CDH26: variants seen among roughly 807,000 people sequenced by gnomAD.
The protein encoded by CDH26 is cadherin 26.
In CDH26, 83 loss-of-function variants were observed where a neutral mutation model predicts 90.3. That is an observed-to-expected ratio of 0.92 (90% confidence interval 0.77 to 1.10). The LOEUF (loss-of-function observed/expected upper bound fraction) is 1.10, where lower values mean the gene tolerates loss of function less well. Among genes scored for constraint, CDH26 ranks in the 50% least tolerant of loss-of-function variants. The pLI is 0.00. For synonymous variants in CDH26, 397 were observed against 396.3 expected (o/e 1.00, Z -0.02); for missense variants, 1,013 against 1,037.6 (o/e 0.98, Z 0.33).
At chr20:59,990,874 T>A (rs1172984153) in intron 9 of CDH26, among the ~76,000 whole-genome samples, 1 of 151,674 alleles carries the variant, frequency 6.6e-6, no homozygotes, top group Admixed American at 6.6e-5. Context: ...TTCTTTTTTT[T>A]TTTTCTTTTT....
chr20:60,016,620 A>T (rs1359760758), downstream of CDH26, among the ~76,000 whole-genome samples: 1 of 150,692 alleles, frequency 6.6e-6, no homozygotes. Flanking sequence ...CTCTTGTCTT[A>T]TTGCTCTGGC....
At chr20:59,967,995 CT>C (rs1241354415) in intron 1 of CDH26, among the ~76,000 whole-genome samples, 4 of 115,826 alleles carry the variant, frequency 3.5e-5, no homozygotes, top group East Asian at 4.8e-4. Context: ...TTCTTTCTTT[CT>C]TTCTTTCTTT....
chr20:59,997,032 G>C (rs560750866), intron 13 of CDH26, among the ~76,000 whole-genome samples: 1 of 152,338 alleles, frequency 6.6e-6, no homozygotes, highest in Admixed American at 6.5e-5. Context: ...ACAGTTAGGA[G>C]TGCTACTGGC....
chr20:59,973,906 A>G (rs757746634), intron 4 of CDH26, among the ~76,000 whole-genome samples: 7 of 152,232 alleles, frequency 4.6e-5, no homozygotes, highest in Non-Finnish European at 8.8e-5. Flanking sequence ...TTGGGTATAT[A>G]CCCAGTAATG....
In CDH26 at chr20:59,994,274, G is replaced by C. The variant is rs958824712; in HGVS notation, c.1451G>C (p.Gly484Ala). ...DDGFPPQTAT[G>A]TLMLFLSDIN... ...GGCTTCCCACCGCAGACTGCTACAG[G>C]GACCCTAATGCTCTTCCTGTCTGAC... The change falls in exon 11 of 18, where the codon GGG becomes GCG. Residue 484 changes from glycine (G) to alanine (A), a missense_variant. Transcript: ENST00000348616. The C allele has an allele frequency of 2.5e-6, 4 of 1,613,540 alleles. No homozygotes were observed. The highest frequency in any genetic ancestry group is 3.4e-6 in the Non-Finnish European group (4 of 1,179,956).
At chr20:59,993,767 C>G (rs796817380) in intron 10 of CDH26, among the ~76,000 whole-genome samples, 1 of 152,192 alleles carries the variant, frequency 6.6e-6, no homozygotes, top group Admixed American at 6.5e-5. Flanking sequence ...GATTCACTTG[C>G]AGTTTTAAGA....
chr20:60,021,853 C>CACACACACACACACACACACACACACAT lies in CDH26; in HGVS notation c.948-9351_948-9350insTACACACACACACACACACACACACACA, dbSNP rs2061954404. 1.9e-4 allele frequency among the ~76,000 whole-genome samples: 10 copies of CACACACACACACACACACACACACACAT among 52,626 alleles called. 1 individual carries two copies. Among genetic ancestry groups the CACACACACACACACACACACACACACAT allele is most frequent in the Non-Finnish European group, 2.6e-4 (6 of 23,026 alleles). The allele number at this position is 52,626 out of a possible 152,430, so 34.5% of individuals were successfully genotyped here. On this transcript the variant is annotated intron_variant, in intron 7 of 8. Transcript: ENST00000370991. ...TGAAGCCGATATCCTTATCTGTACACACACACACACACACACACACACACA... is the reference window on the plus strand; with the variant it reads ...TGAAGCCGATATCCTTATCTGTACACACACACACACACACACACACACACACATACACACACACACACACACACACACA...
At chr20:60,010,669 G>A (rs1201003324) in intron 17 of CDH26, among the ~76,000 whole-genome samples, 1 of 152,192 alleles carries the variant, frequency 6.6e-6, no homozygotes, top group Non-Finnish European at 1.5e-5. Flanking sequence ...TGAAGCCTAG[G>A]AAATGTTTCT....
chr20:59,972,122 CG>C lies in CDH26; in HGVS notation c.393+1del, dbSNP rs766039877. ...PVDREMTPSF[T>X]VYFDVVERST... is the part of the protein sequence containing the mutation. The stretch of plus-strand genomic sequence containing the variant: ...GATCGAGAAATGACACCATCTTTCA[CG>C]GTATCTAAAACTTGATATATTCTAA... On this transcript the variant is annotated frameshift_variant and splice_region_variant, in exon 4 of 18. Coordinates refer to ENST00000348616, the MANE Select transcript of CDH26 (RefSeq NM_177980.4). LOFTEE classifies it high-confidence loss of function. 4 of 1,613,040 alleles carry C rather than the reference CG, an allele frequency of 2.5e-6. No homozygotes were observed. Among genetic ancestry groups the C allele is most frequent in the Non-Finnish European group, 3.4e-6 (4 of 1,179,412 alleles).
At chr20:60,015,036 G>A (rs1032041618), downstream of CDH26, among the ~76,000 whole-genome samples, 7 of 152,178 alleles carry the variant, frequency 4.6e-5, no homozygotes, top group Non-Finnish European at 8.8e-5. Flanking sequence ...AGGCTGGAGT[G>A]CAGTAGTGCA....
intron 7 of CDH26, among the ~76,000 whole-genome samples, chr20:60,023,426 A>G (rs553840877): frequency 1.3e-5 from 2 of 152,332 alleles, no homozygotes; most frequent in East Asian, 3.9e-4. Flanking sequence ...GGGCTCAAAT[A>G]TTGTGAGCTA....
rs1310105947 is a variant in CDH26, at chr20:60,006,725, G to A, written c.2233G>A (p.Ala745Thr). 1.9e-6 allele frequency: 3 copies of A among 1,613,876 alleles called. No individual in the cohort carries two copies. Among genetic ancestry groups the A allele is most frequent in the Non-Finnish European group, 2.5e-6 (3 of 1,179,882 alleles). Residue 745 changes from alanine to threonine, a missense_variant, in exon 17 of 18, where the codon GCC becomes ACC. By Grantham distance (58) the Ala-to-Thr change is moderately conservative (BLOSUM62 0). Coordinates refer to ENST00000348616, the MANE Select transcript of CDH26 (RefSeq NM_177980.4). ...NIHSTPAYPDATMHRQLLAPV... is the reference protein window; with the variant it reads ...NIHSTPAYPDTTMHRQLLAPV... ...GGTTTGCTTGCAGGCTTACCCAGAT[G>A]CCACAATGCACAGACAACTCCTGGC...
At chr20:59,973,847 A>G (rs181861266) in intron 4 of CDH26, among the ~76,000 whole-genome samples, 4 of 152,384 alleles carry the variant, frequency 2.6e-5, no homozygotes, top group South Asian at 2.1e-4. Context: ...TCCTGCTGCA[A>G]TGAACATACC....
intron 17 of CDH26, among the ~76,000 whole-genome samples, chr20:60,010,965 G>A (rs1443629409): frequency 1.3e-5 from 2 of 152,276 alleles, no homozygotes; most frequent in Non-Finnish European, 2.9e-5. Flanking sequence ...GGCCAGGTAC[G>A]TGTCCCTGAC....
At chr20:60,028,415 C>T (rs764461945) in intron 7 of CDH26, among the ~76,000 whole-genome samples, 8 of 152,318 alleles carry the variant, frequency 5.3e-5, no homozygotes, top group African/African-American at 7.2e-5. Flanking sequence ...TGGCTGAATC[C>T]CCAGGGCCTG....
chr20:59,985,349 C>G (rs573873525), intron 7 of CDH26, among the ~76,000 whole-genome samples: 1 of 152,110 alleles, frequency 6.6e-6, no homozygotes, highest in Non-Finnish European at 1.5e-5. Flanking sequence ...TCTAGGGAGG[C>G]CTCAGGACGC....
chr20:59,999,037 CAT>C (rs1159091439), intron 13 of CDH26, among the ~76,000 whole-genome samples: 1 of 152,188 alleles, frequency 6.6e-6, no homozygotes, highest in Non-Finnish European at 1.5e-5. Context: ...TAGCTGCACA[CAT>C]GTTGTCACAT....
intron 13 of CDH26, among the ~76,000 whole-genome samples, chr20:59,998,394 G>T (rs1174358846): frequency 2.0e-5 from 3 of 152,156 alleles, no homozygotes; most frequent in African/African-American, 7.2e-5. Flanking sequence ...CTTTGTGATT[G>T]TCTCTTGGAA....
intron 1 of CDH26, among the ~76,000 whole-genome samples, chr20:59,964,321 A>T (rs2061117745): frequency 6.6e-6 from 1 of 152,200 alleles, no homozygotes; most frequent in Admixed American, 6.5e-5. Flanking sequence ...GTCCAGAGCC[A>T]TCTGTCAAAT....
Sources: gnomAD v4.1 joint callset for allele counts (sites outside exome capture counted in the v4.1 genomes callset) on GRCh38, gnomAD v4.1.1 for gene constraint, MANE v1.5 for transcripts, NCBI Gene and HGNC (gene_info 2026-07-23, HGNC 2026-07-21) for gene names.